Variants in PDE9A observed in about 807,000 individuals in gnomAD.
PDE9A encodes phosphodiesterase 9A.
PDE9A carries 60 observed loss-of-function variants against 87.4 expected under a neutral mutation model. The observed-to-expected ratio is 0.69, with a 90% CI of 0.56 to 0.85. PDE9A has a LOEUF of 0.85. Ranked by LOEUF, PDE9A falls within the 40% of genes least tolerant of loss-of-function variation. PDE9A has a pLI of 0.00. For synonymous variants in PDE9A, 272 were observed against 279.4 expected (o/e 0.97, Z 0.27); for missense variants, 665 against 779.0 (o/e 0.85, Z 1.74).
At chr21:42,711,352 G>C (rs2049327800) in intron 4 of PDE9A, among the ~76,000 whole-genome samples, 1 of 151,338 alleles carries the variant, frequency 6.6e-6, no homozygotes, top group South Asian at 2.1e-4. Flanking sequence ...CCGGGTTCAA[G>C]TGATTCTCCT....
intron 7 of PDE9A, among the ~76,000 whole-genome samples, chr21:42,742,850 G>A (rs978836149): frequency 6.6e-6 from 1 of 152,096 alleles, no homozygotes; most frequent in African/African-American, 2.4e-5. Context: ...GGTGCCAGCT[G>A]ATCCATCAAC....
At chr21:42,761,973 C>G in intron 13 of PDE9A, 110 bp from the exon 14 acceptor site, 1 of 1,118,946 alleles carries the variant, frequency 8.9e-7, no homozygotes, top group Admixed American at 2.2e-5. Context: ...GCCCCCACGG[C>G]ACCTTCTCCT....
intron 1 of PDE9A, among the ~76,000 whole-genome samples, chr21:42,684,359 G>A (rs892236751): frequency 1.3e-5 from 2 of 152,212 alleles, no homozygotes; most frequent in Admixed American, 6.5e-5. Context: ...CATGGGAACC[G>A]CTTTTTGTCC....
intron 1 of PDE9A, among the ~76,000 whole-genome samples, chr21:42,668,171 A>C (rs1462766597): frequency 6.6e-6 from 1 of 152,108 alleles, no homozygotes; most frequent in East Asian, 1.9e-4. Context: ...TGCTGAGAGA[A>C]GGTCCTCTCC....
Position 42,769,015 on chromosome 21 carries a change from C to T in PDE9A, c.1462-12C>T, listed in dbSNP as rs1217763100. On this transcript the variant is annotated splice_polypyrimidine_tract_variant and intron_variant, in intron 16 of 19. Transcript: ENST00000291539. The stretch of plus-strand genomic sequence containing the variant: ...CTGTCTCTAATGTCACTGTCTGCTG[C>T]ATTCCCTGCAGAGCGACCGTGAGAA... 1 of 1,604,170 alleles carries T rather than the reference C, an allele frequency of 6.2e-7. No homozygotes were observed. The highest frequency in any genetic ancestry group is 8.5e-7 in the Non-Finnish European group (1 of 1,173,086).
chr21:42,752,825 C>T (rs1456918703), intron 9 of PDE9A, among the ~76,000 whole-genome samples: 1 of 152,194 alleles, frequency 6.6e-6, no homozygotes, highest in Non-Finnish European at 1.5e-5. Context: ...GACAGCTTAA[C>T]CTAAAGCCTG....
intron 4 of PDE9A, among the ~76,000 whole-genome samples, chr21:42,713,937 G>A (rs1245663726): frequency 1.8e-5 from 2 of 110,756 alleles, no homozygotes; most frequent in Non-Finnish European, 3.7e-5. Flanking sequence ...GTCTCGCTTT[G>A]TTGCCCAGGC....
chr21:42,686,369 C>T, intron 2 of PDE9A, 107 bp downstream of exon 2: 1 of 859,506 alleles, frequency 1.2e-6, no homozygotes, highest in Non-Finnish European at 1.9e-6. Flanking sequence ...GAGGCACCGG[C>T]CTTCTACAAG....
At position 42,740,374 on chromosome 21, in the gene PDE9A, G is replaced by A. The variant is rs1051537304; in HGVS notation, c.569-3402G>A. ...TGGCAGGATCACTTGAACCTAGGAG[G>A]TAAAGGTTGCAGTGAGCTGTGATTG... On this transcript the variant is annotated intron_variant, in intron 7 of 19. Coordinates refer to ENST00000291539, the MANE Select transcript of PDE9A (RefSeq NM_002606.3). 3.3e-5 allele frequency among the ~76,000 whole-genome samples: 5 copies of A among 151,772 alleles called. 1 individual carries two copies. The highest frequency in any genetic ancestry group is 2.6e-4 in the Admixed American group (4 of 15,218).
chr21:42,666,740 A>C (rs184652897), intron 1 of PDE9A, among the ~76,000 whole-genome samples: 55 of 152,284 alleles, frequency 3.6e-4, no homozygotes, highest in East Asian at 3.5e-3. Context: ...GTCTCCAAAT[A>C]AGGTCATATC....
chr21:42,670,758 T>G (rs1309204568), intron 1 of PDE9A, among the ~76,000 whole-genome samples: 3 of 149,778 alleles, frequency 2.0e-5, no homozygotes, highest in African/African-American at 7.4e-5. Flanking sequence ...TACACTCACA[T>G]TCACACGCAC....
intron 3 of PDE9A, among the ~76,000 whole-genome samples, chr21:42,688,944 C>T (rs1470824394): frequency 1.3e-5 from 2 of 151,146 alleles, no homozygotes; most frequent in Non-Finnish European, 3.0e-5. Context: ...TGGACGTGGC[C>T]AGTGCTGCCT....
chr21:42,742,457 C>CTTTTTTT (rs60925435), intron 7 of PDE9A, among the ~76,000 whole-genome samples: 1 of 71,542 alleles, frequency 1.4e-5, no homozygotes, highest in Non-Finnish European at 2.5e-5. Flanking sequence ...AAGCTGTCTG[C>CTTTTTTT]TTTTTTTTTT....
chr21:42,759,222 G>C lies in PDE9A; in HGVS notation c.897+137G>C. The C allele has an allele frequency of 3.1e-6, 2 of 654,480 alleles. No homozygotes were observed. The highest frequency in any genetic ancestry group is 5.5e-6 in the Non-Finnish European group (2 of 360,406). The allele number at this position is 654,480 out of a possible 1,614,324, so 40.5% of individuals were successfully genotyped here. On this transcript the variant is annotated intron_variant, in intron 11 of 19. Transcript: ENST00000291539. The surrounding 1 kb of genome is among the most constrained non-coding windows in gnomAD (Gnocchi z 7.2). Reference sequence around the variant, plus strand: ...GTGAGCAGAGGTGACATTTCCCCGGGAGTTCTGTGAGGACACTCAGCCTGT... The same window carrying C: ...GTGAGCAGAGGTGACATTTCCCCGGCAGTTCTGTGAGGACACTCAGCCTGT...
In PDE9A at chr21:42,739,888, T is replaced by C. The variant is rs1054969811; in HGVS notation, c.569-3888T>C. ...TGAAGCCCTTGGTATTTATTTATCCTGCTCAGTATGATAAATAGCATTTTC... is the reference window on the plus strand; with the variant it reads ...TGAAGCCCTTGGTATTTATTTATCCCGCTCAGTATGATAAATAGCATTTTC... On this transcript the variant is annotated intron_variant, in intron 7 of 19. Coordinates refer to ENST00000291539, the MANE Select transcript of PDE9A (RefSeq NM_002606.3). The surrounding 1 kb of genome is among the most constrained non-coding windows in gnomAD (Gnocchi z 4.1). Among the ~76,000 whole-genome samples, 3 of 152,166 alleles carry C rather than the reference T, an allele frequency of 2.0e-5. No individual in the cohort carries two copies. Among genetic ancestry groups the C allele is most frequent in the Non-Finnish European group, 4.4e-5 (3 of 68,026 alleles).
At chr21:42,754,834 G>C (rs2054854051) in intron 10 of PDE9A, among the ~76,000 whole-genome samples, 1 of 152,156 alleles carries the variant, frequency 6.6e-6, no homozygotes, top group Admixed American at 6.6e-5. Flanking sequence ...ATGATTGTGA[G>C]GCCTCCGCAG....
chr21:42,770,434 G>T (rs1327103079), intron 17 of PDE9A, among the ~76,000 whole-genome samples: 1 of 152,152 alleles, frequency 6.6e-6, no homozygotes, highest in Non-Finnish European at 1.5e-5. Context: ...GTCTTTGTAA[G>T]AACCTCCCAA....
At chr21:42,663,899 T>C (rs541688552) in intron 1 of PDE9A, among the ~76,000 whole-genome samples, 1 of 152,294 alleles carries the variant, frequency 6.6e-6, no homozygotes, top group Admixed American at 6.5e-5. Flanking sequence ...CAGGTGTTGA[T>C]GGCTGAGGTC....
rs117928026 is a variant in PDE9A, at chr21:42,759,739, T to C, written c.898-589T>C. On this transcript the variant is annotated intron_variant, in intron 11 of 19. Transcript: ENST00000291539. This position sits in a 1 kb window ranked among gnomAD's most constrained non-coding sequence, Gnocchi z 7.2. ...GTGTGTGAGGGTGTGTGTGCATGTG[T>C]GTATCTGTGGATGTGAGGTGTGTGT... 1.3e-3 allele frequency among the ~76,000 whole-genome samples: 185 copies of C among 147,158 alleles called. 4 individuals are homozygous for C. In the East Asian group the frequency reaches 0.029, roughly 23 times the overall value.
Sources: allele counts gnomAD v4.1 joint callset (sites outside exome capture counted in the v4.1 genomes callset), GRCh38; gene constraint gnomAD v4.1.1; non-coding constraint Gnocchi (gnomAD v3.1); transcripts MANE v1.5; gene names NCBI Gene and HGNC (gene_info 2026-07-23, HGNC 2026-07-21).